BMAL2: variants seen among roughly 807,000 people sequenced by gnomAD.
The protein encoded by BMAL2 is basic helix-loop-helix ARNT-like protein 2.
At chr12:27,372,436 T>A in the BMAL2 span, among the ~76,000 whole-genome samples, 1 of 152,220 alleles carries the variant, frequency 6.6e-6, no homozygotes, top group Admixed American at 6.5e-5. Context: ...TTCCACTTTT[T>A]GGCTATTGTG....
the BMAL2 span, chr12:27,400,467 C>A: frequency 7.7e-7 from 1 of 1,305,604 alleles, no homozygotes; most frequent in Non-Finnish European, 1.0e-6. Flanking sequence ...TTATAGATGT[C>A]AATATAAGAA....
At chr12:27,353,668 A>C in the BMAL2 span, among the ~76,000 whole-genome samples, 1 of 152,166 alleles carries the variant, frequency 6.6e-6, no homozygotes, top group African/African-American at 2.4e-5. Flanking sequence ...TTTGAAAATG[A>C]TGCATCTAAA....
chr12:27,352,705 G>C, the BMAL2 span, among the ~76,000 whole-genome samples: 1 of 152,316 alleles, frequency 6.6e-6, no homozygotes. Flanking sequence ...TGAAGGCTCT[G>C]CTAAAAGGCT....
chr12:27,402,509 A>G, the BMAL2 span: 1 of 872,920 alleles, frequency 1.1e-6, no homozygotes, highest in Non-Finnish European at 1.8e-6. Context: ...TGTATATAAA[A>G]CATAAATGGG....
At chr12:27,346,111 C>T in the BMAL2 span, among the ~76,000 whole-genome samples, 1 of 152,170 alleles carries the variant, frequency 6.6e-6, no homozygotes, top group Non-Finnish European at 1.5e-5. Context: ...CTGTTTTTGT[C>T]CTTATTCTTA....
the BMAL2 span, chr12:27,400,557 C>G: frequency 6.2e-7 from 1 of 1,612,458 alleles, no homozygotes; most frequent in Admixed American, 1.7e-5. Flanking sequence ...CTATACTATC[C>G]ATTGCACTGG....
the BMAL2 span, among the ~76,000 whole-genome samples, chr12:27,369,022 A>T: frequency 6.6e-6 from 1 of 152,248 alleles, no homozygotes; most frequent in Admixed American, 6.5e-5. Context: ...CGCCTGCAGT[A>T]CTAGCTACGC....
chr12:27,413,404 A>G, the BMAL2 span, among the ~76,000 whole-genome samples: 1 of 152,246 alleles, frequency 6.6e-6, no homozygotes, highest in Non-Finnish European at 1.5e-5. Flanking sequence ...AATAAAGTGT[A>G]GAGTTTTTAT....
At chr12:27,411,968 T>A in the BMAL2 span, among the ~76,000 whole-genome samples, 1 of 152,216 alleles carries the variant, frequency 6.6e-6, no homozygotes, top group East Asian at 1.9e-4. Context: ...AAGAGTTTTA[T>A]AGTCTTAGGT....
At chr12:27,405,937 C>T in the BMAL2 span, among the ~76,000 whole-genome samples, 565 of 152,268 alleles carry the variant, frequency 3.7e-3, no homozygotes, top group Middle Eastern at 6.8e-3. Context: ...ATGAGAACTA[C>T]ATGACGAATG....
the BMAL2 span, chr12:27,387,134 G>C: frequency 1.2e-6 from 1 of 820,534 alleles, no homozygotes; most frequent in Admixed American, 2.4e-5. Context: ...TATTGCCACA[G>C]TAATTTCCTC....
the BMAL2 span, chr12:27,376,296 A>G: frequency 6.6e-7 from 1 of 1,504,072 alleles, no homozygotes; most frequent in Non-Finnish European, 9.2e-7. Flanking sequence ...ATCAAGAACT[A>G]CAGAAAAGGT....
chr12:27,392,789 T>C, the BMAL2 span, among the ~76,000 whole-genome samples: 150 of 152,304 alleles, frequency 9.8e-4, 1 homozygote, highest in Non-Finnish European at 2.0e-3. Context: ...TGTATGTGTT[T>C]TAAAGATGAC....
chr12:27,341,831 T>A, the BMAL2 span, among the ~76,000 whole-genome samples: 9 of 152,200 alleles, frequency 5.9e-5, no homozygotes, highest in East Asian at 1.7e-3. Flanking sequence ...CAATAAGAAA[T>A]CCGGTGCCCT....
chr12:27,401,136 A>G, the BMAL2 span: 3 of 774,868 alleles, frequency 3.9e-6, no homozygotes, highest in Non-Finnish European at 6.5e-6. Context: ...AGTGATATGC[A>G]TGGGTCACTC....
At chr12:27,375,155 C>A in the BMAL2 span, among the ~76,000 whole-genome samples, 2 of 152,052 alleles carry the variant, frequency 1.3e-5, no homozygotes, top group South Asian at 2.1e-4. Context: ...TGTTAAAAAT[C>A]TGTAAAGAGG....
chr12:27,384,790 T>C, the BMAL2 span, among the ~76,000 whole-genome samples: 1 of 152,202 alleles, frequency 6.6e-6, no homozygotes, highest in South Asian at 2.1e-4. Flanking sequence ...TCTCAAAATA[T>C]CTTATTGTAT....
the BMAL2 span, among the ~76,000 whole-genome samples, chr12:27,372,835 G>A: frequency 6.6e-6 from 1 of 151,914 alleles, no homozygotes; most frequent in South Asian, 2.1e-4. Flanking sequence ...CACCACACCT[G>A]GCTAATTTTT....
the BMAL2 span, chr12:27,403,448 C>A: frequency 1.2e-6 from 2 of 1,603,140 alleles, no homozygotes; most frequent in South Asian, 1.1e-5. Flanking sequence ...TCTAGACAGT[C>A]CTGTATGAGT....
Sources: allele counts gnomAD v4.1 joint callset (sites outside exome capture counted in the v4.1 genomes callset), GRCh38; gene constraint gnomAD v4.1.1; transcripts MANE v1.5; gene names NCBI Gene and HGNC (gene_info 2026-07-23, HGNC 2026-07-21).